Variants in PCCA observed in about 807,000 individuals in gnomAD.
The protein encoded by PCCA is propionyl-CoA carboxylase alpha chain, mitochondrial.
PCCA carries 74 observed loss-of-function variants against 101.3 expected under a neutral mutation model. That is an observed-to-expected ratio of 0.73 (90% CI 0.61 to 0.89). PCCA has a LOEUF of 0.89. Among genes scored for constraint, PCCA ranks in the 40% least tolerant of loss-of-function variants. PCCA has a pLI of 0.00. For missense variants in PCCA, 891 were observed against 907.0 expected, an observed-to-expected ratio of 0.98 and a Z score of 0.23; for synonymous variants, 294 against 313.6, an observed-to-expected ratio of 0.94 and a Z score of 0.66.
At chr13:100,362,985 C>A (rs569385440) in intron 18 of PCCA, among the ~76,000 whole-genome samples, 1 of 152,286 alleles carries the variant, frequency 6.6e-6, no homozygotes, top group East Asian at 1.9e-4. Context: ...GTTGTAAGTT[C>A]TCACATAATA....
intron 17 of PCCA, among the ~76,000 whole-genome samples, chr13:100,336,992 G>T (rs1347375340): frequency 6.6e-6 from 1 of 151,990 alleles, no homozygotes; most frequent in Non-Finnish European, 1.5e-5. Flanking sequence ...GCACCCAGCA[G>T]CACCTCTCAG....
At chr13:100,408,816 T>C (rs1196665604) in intron 19 of PCCA, among the ~76,000 whole-genome samples, 1 of 152,100 alleles carries the variant, frequency 6.6e-6, no homozygotes, top group African/African-American at 2.4e-5. Context: ...AGTAAAGTGT[T>C]TTCTAAAAGA....
chr13:100,127,572 A>G (rs1022666937), intron 4 of PCCA, among the ~76,000 whole-genome samples: 2 of 152,158 alleles, frequency 1.3e-5, no homozygotes, highest in Admixed American at 6.6e-5. Flanking sequence ...CAGAAGTCCT[A>G]TCTTACTGAA....
chr13:100,418,818 A>T (rs2078552198), intron 19 of PCCA, among the ~76,000 whole-genome samples: 1 of 146,306 alleles, frequency 6.8e-6, no homozygotes, highest in African/African-American at 2.6e-5. Context: ...TGGGCAAGAG[A>T]GTGAGACTCC....
At chr13:100,115,992 A>G (rs771432905) in intron 4 of PCCA, among the ~76,000 whole-genome samples, 7 of 152,224 alleles carry the variant, frequency 4.6e-5, no homozygotes, top group Non-Finnish European at 8.8e-5. Flanking sequence ...TGGGAATGTC[A>G]AAAGTTTCAT....
intron 4 of PCCA, among the ~76,000 whole-genome samples, chr13:100,139,903 G>GT (rs201715976): frequency 7.4e-5 from 11 of 149,190 alleles, no homozygotes; most frequent in Non-Finnish European, 1.3e-4. Flanking sequence ...GCACATTCCA[G>GT]TTTTTTTTTG....
At chr13:100,125,134 T>TG (rs2049823952) in intron 4 of PCCA, among the ~76,000 whole-genome samples, 5 of 86,596 alleles carry the variant, frequency 5.8e-5, no homozygotes, top group African/African-American at 2.1e-4. Context: ...TGACCTTTTA[T>TG]TTGTGTGTGT....
At chr13:100,235,569 C>T (rs1021139816) in intron 7 of PCCA, among the ~76,000 whole-genome samples, 5 of 152,126 alleles carry the variant, frequency 3.3e-5, no homozygotes, top group African/African-American at 4.8e-5. Context: ...CATTAAATTC[C>T]GGCAACTGCA....
chr13:100,283,772 C>G (rs1451326165), intron 12 of PCCA, among the ~76,000 whole-genome samples: 1 of 152,220 alleles, frequency 6.6e-6, no homozygotes, highest in Non-Finnish European at 1.5e-5. Context: ...TCAGAGAGGA[C>G]AGAAAATGGA....
At chr13:100,427,372 A>G (rs1022870378) in intron 20 of PCCA, among the ~76,000 whole-genome samples, 1 of 152,242 alleles carries the variant, frequency 6.6e-6, no homozygotes, top group Non-Finnish European at 1.5e-5. Context: ...AAGAGGTACA[A>G]ACTCCTATTA....
At chr13:100,173,214 G>T (rs1383770002) in intron 6 of PCCA, among the ~76,000 whole-genome samples, 1 of 152,218 alleles carries the variant, frequency 6.6e-6, no homozygotes, top group Non-Finnish European at 1.5e-5. Context: ...AATAGTGGAA[G>T]CAGCAGTGGT....
intron 20 of PCCA, among the ~76,000 whole-genome samples, chr13:100,441,195 C>T (rs544669874): frequency 6.8e-4 from 104 of 152,230 alleles, no homozygotes; most frequent in Middle Eastern, 3.4e-3. Context: ...ATTATATTTT[C>T]GTTGCTGCCT....
At chr13:100,273,510 T>C (rs2063448372) in intron 12 of PCCA, among the ~76,000 whole-genome samples, 164 bp downstream of exon 12, 1 of 152,250 alleles carries the variant, frequency 6.6e-6, no homozygotes, top group Admixed American at 6.5e-5. Flanking sequence ...TGACGGATAG[T>C]ATCCCTCTAA....
chr13:100,275,056 T>TG (rs1282434374), intron 12 of PCCA, among the ~76,000 whole-genome samples: 90 of 7,546 alleles, frequency 0.012, 1 homozygote, highest in East Asian at 0.11. Flanking sequence ...GGGGAGGGGG[T>TG]GGGGGGGGAG....
At chr13:100,416,884 T>C (rs547264140) in intron 19 of PCCA, among the ~76,000 whole-genome samples, 23 of 151,520 alleles carry the variant, frequency 1.5e-4, no homozygotes, top group Non-Finnish European at 2.5e-4. Context: ...GCTCTTGTTG[T>C]CCAGGCTGCA....
intron 17 of PCCA, among the ~76,000 whole-genome samples, chr13:100,335,385 G>T (rs998562083): frequency 1.3e-5 from 2 of 152,158 alleles, no homozygotes; most frequent in African/African-American, 4.8e-5. Context: ...GCTGAAAGAT[G>T]ATTCTTAACT....
In PCCA at chr13:100,330,679, T is replaced by A; in HGVS notation, c.1540+8T>A. ...ATCCTGATGGCTTCAAAGGTTTGTA[T>A]GCATTAAAATATTTTAGTGTTTTAA... On this transcript the variant is annotated splice_region_variant and intron_variant, in intron 17 of 23. Transcript: ENST00000376285. The A allele has an allele frequency of 7.0e-7, 1 of 1,432,622 alleles. No homozygotes were observed. The highest frequency in any genetic ancestry group is 2.3e-5 in the East Asian group (1 of 43,888). The allele number at this position is 1,432,622 out of a possible 1,614,324, so 88.7% of individuals were successfully genotyped here. A position where few individuals can be genotyped will look rare whatever the true frequency, so the allele number is the denominator to read the frequency against.
intron 4 of PCCA, among the ~76,000 whole-genome samples, chr13:100,153,141 A>G (rs1234437573): frequency 6.6e-6 from 1 of 152,208 alleles, no homozygotes; most frequent in Non-Finnish European, 1.5e-5. Context: ...TTTGATAATG[A>G]AAGTTATTAA....
At chr13:100,099,193 G>A (rs1342176649) in intron 1 of PCCA, among the ~76,000 whole-genome samples, 3 of 152,174 alleles carry the variant, frequency 2.0e-5, no homozygotes, top group East Asian at 1.9e-4. Context: ...GTTAACAACA[G>A]TAGTTTTGGT....
Sources: gnomAD v4.1 joint callset for allele counts (sites outside exome capture counted in the v4.1 genomes callset) on GRCh38, gnomAD v4.1.1 for gene constraint, MANE v1.5 for transcripts, NCBI Gene and HGNC (gene_info 2026-07-23, HGNC 2026-07-21) for gene names.